The following ZMIZ1 variants were observed in gnomAD, a reference collection of about 807,000 sequenced individuals.
ZMIZ1 encodes the protein zinc finger MIZ-type containing 1, also known as zinc finger MIZ domain-containing protein 1.
In ZMIZ1, 17 loss-of-function variants were observed where a neutral mutation model predicts 113.9. That is an observed-to-expected ratio of 0.15 (90% CI 0.10 to 0.22). The LOEUF (loss-of-function observed/expected upper bound fraction) is 0.22. Among genes scored for constraint, ZMIZ1 ranks in the 10% least tolerant of loss-of-function variants. The pLI is 1.00. For synonymous variants in ZMIZ1, 607 were observed against 603.1 expected (o/e 1.01, Z -0.09); for missense variants, 1,059 against 1,477.8 (o/e 0.72, Z 4.65).
At chr10:79,232,172 T>C (rs1043040551) in intron 7 of ZMIZ1, among the ~76,000 whole-genome samples, 7 of 152,222 alleles carry the variant, frequency 4.6e-5, no homozygotes, top group African/African-American at 1.7e-4. Context: ...CGTTTGGTGC[T>C]GTCTGCGTTG....
intron 7 of ZMIZ1, among the ~76,000 whole-genome samples, chr10:79,276,560 G>T (rs1297793116): frequency 1.4e-5 from 2 of 145,664 alleles, no homozygotes; most frequent in Non-Finnish European, 3.0e-5. Context: ...CTAGGCATTT[G>T]TGCCCAGCAG....
chr10:79,313,010 T>A lies in ZMIZ1; in HGVS notation c.*261T>A. ...CTTGGGCCCATGCCCAGCGCAGGCC[T>A]GAAGACCACCCTCCCGAGAGGAACC... is the stretch of plus-strand genomic sequence containing the variant. On this transcript the variant is annotated 3_prime_UTR_variant, in exon 25 of 25. Coordinates refer to ENST00000334512, the MANE Select transcript of ZMIZ1 (RefSeq NM_020338.4). 2 of 503,376 alleles carry A rather than the reference T, an allele frequency of 4.0e-6. No individual in the cohort carries two copies. Among genetic ancestry groups the A allele is most frequent in the South Asian group, 5.1e-5 (2 of 39,300 alleles). 31.2% of individuals were successfully genotyped at this position (503,376 alleles called of 1,614,324 possible).
chr10:79,290,802 A>T, intron 9 of ZMIZ1, 157 bp from the exon 10 acceptor site: 1 of 839,654 alleles, frequency 1.2e-6, no homozygotes, highest in South Asian at 1.4e-5. Context: ...TATCACCGGT[A>T]CACTCAGAAT....
At chr10:79,110,418 G>A (rs1314971018) in intron 1 of ZMIZ1, among the ~76,000 whole-genome samples, 1 of 152,224 alleles carries the variant, frequency 6.6e-6, no homozygotes, top group Non-Finnish European at 1.5e-5. Context: ...CTATTAATGA[G>A]GTTTAATCTG....
chr10:79,080,722 T>G (rs1842631778), intron 1 of ZMIZ1, among the ~76,000 whole-genome samples: 1 of 152,072 alleles, frequency 6.6e-6, no homozygotes, highest in Non-Finnish European at 1.5e-5. Flanking sequence ...CTGGCCTGGG[T>G]TGACATCTGC....
At chr10:79,233,073 G>C (rs1849457735) in intron 7 of ZMIZ1, among the ~76,000 whole-genome samples, 1 of 152,212 alleles carries the variant, frequency 6.6e-6, no homozygotes, top group Non-Finnish European at 1.5e-5. Flanking sequence ...TAGGTAATTA[G>C]GCCAAATTCA....
chr10:79,240,997 G>A (rs919359087), intron 7 of ZMIZ1, among the ~76,000 whole-genome samples: 1 of 152,098 alleles, frequency 6.6e-6, no homozygotes, highest in African/African-American at 2.4e-5. Flanking sequence ...CAAACATGCG[G>A]GTCTTTGGTG....
chr10:79,136,206 C>A (rs137977656), intron 2 of ZMIZ1, among the ~76,000 whole-genome samples: 1 of 152,230 alleles, frequency 6.6e-6, no homozygotes, highest in Non-Finnish European at 1.5e-5. Flanking sequence ...CTTTTCTTAT[C>A]TGTAAAATGA....
chr10:79,309,143 C>T (rs561087971), intron 23 of ZMIZ1, among the ~76,000 whole-genome samples: 4 of 152,338 alleles, frequency 2.6e-5, no homozygotes, highest in Non-Finnish European at 4.4e-5. Context: ...GAGGCACTGC[C>T]ATGCCCGCAG....
At chr10:79,167,307 C>T (rs1259785003) in intron 4 of ZMIZ1, among the ~76,000 whole-genome samples, 2 of 152,234 alleles carry the variant, frequency 1.3e-5, no homozygotes, top group Non-Finnish European at 2.9e-5. Context: ...CATTCTTCAT[C>T]ATACTAAGTC....
chr10:79,161,150 A>C (rs1846102697), intron 3 of ZMIZ1, among the ~76,000 whole-genome samples: 1 of 152,148 alleles, frequency 6.6e-6, no homozygotes, highest in African/African-American at 2.4e-5. Flanking sequence ...GTGCACCCGC[A>C]GGCCCTGCAC....
At chr10:79,220,953 A>G (rs1182599233) in intron 7 of ZMIZ1, among the ~76,000 whole-genome samples, 1 of 151,930 alleles carries the variant, frequency 6.6e-6, no homozygotes, top group Non-Finnish European at 1.5e-5. Context: ...TCTATGACGT[A>G]TATGTACCTG....
Position 79,140,757 on chromosome 10 carries a change from CCCGCATT to C in ZMIZ1, c.-131+981_-131+987del, listed in dbSNP as rs1845221590. ...TCATGGACTCTCACACCAGGCCAGGCCCGCATTAAGGGCTGGGGTTTTTGTTTTTGTT... is the reference window on the plus strand; with the variant it reads ...TCATGGACTCTCACACCAGGCCAGGCAAGGGCTGGGGTTTTTGTTTTTGTT... On this transcript the variant is annotated intron_variant, in intron 3 of 24. Coordinates refer to ENST00000334512, the MANE Select transcript of ZMIZ1 (RefSeq NM_020338.4). Among the ~76,000 whole-genome samples, 7 of 152,280 alleles carry C rather than the reference CCCGCATT, an allele frequency of 4.6e-5. No homozygotes were observed. The South Asian group carries it at 1.5e-3, about 32-fold the overall frequency.
chr10:79,114,017 T>C (rs2132304104), intron 1 of ZMIZ1, among the ~76,000 whole-genome samples: 1 of 152,260 alleles, frequency 6.6e-6, no homozygotes, highest in African/African-American at 2.4e-5. Context: ...AGTTTGCAAA[T>C]GGAGAGAGGC....
chr10:79,265,178 G>C (rs532540134), intron 7 of ZMIZ1, among the ~76,000 whole-genome samples: 1 of 152,160 alleles, frequency 6.6e-6, no homozygotes, highest in Non-Finnish European at 1.5e-5. Flanking sequence ...GGGGGCGGGC[G>C]TGCGAGGAGT....
chr10:79,176,335 A>G (rs1207585607), intron 4 of ZMIZ1, among the ~76,000 whole-genome samples: 3 of 151,996 alleles, frequency 2.0e-5, no homozygotes, highest in Admixed American at 2.0e-4. Context: ...CGCTCTTCTG[A>G]GTATTTGGGA....
intron 7 of ZMIZ1, among the ~76,000 whole-genome samples, chr10:79,251,525 C>A (rs953748351): frequency 2.0e-5 from 3 of 152,164 alleles, no homozygotes; most frequent in African/African-American, 7.2e-5. Context: ...TCCCCCAACC[C>A]CTCACCCCAT....
chr10:79,290,111 G>A (rs1853376977), intron 9 of ZMIZ1, among the ~76,000 whole-genome samples: 1 of 152,216 alleles, frequency 6.6e-6, no homozygotes, highest in South Asian at 2.1e-4. Flanking sequence ...AGGCCTTTCT[G>A]GAGGAATGGC....
chr10:79,115,152 C>T (rs1479496383), intron 1 of ZMIZ1, among the ~76,000 whole-genome samples: 1 of 152,148 alleles, frequency 6.6e-6, no homozygotes, highest in Non-Finnish European at 1.5e-5. Context: ...CTCCCTTCTG[C>T]TTGCATGCCT....
Sources: gnomAD v4.1 joint callset for allele counts (sites outside exome capture counted in the v4.1 genomes callset) on GRCh38, gnomAD v4.1.1 for gene constraint, MANE v1.5 for transcripts, NCBI Gene and HGNC (gene_info 2026-07-23, HGNC 2026-07-21) for gene names.